Variants in TBC1D25 observed in about 807,000 individuals in gnomAD.
TBC1D25 encodes TBC1 domain family member 25, also known as 5SN3 snoRNA.
In TBC1D25, 13 loss-of-function variants were observed where a neutral mutation model predicts 38.8. The observed-to-expected ratio is 0.34, with a 90% confidence interval of 0.22 to 0.53. The LOEUF is 0.53. TBC1D25 is among the 20% of genes least tolerant of loss of function. The pLI is 0.94. For synonymous variants in TBC1D25, 225 were observed against 255.6 expected, an observed-to-expected ratio of 0.88 and a Z score of 1.14; for missense variants, 372 against 600.0, an observed-to-expected ratio of 0.62 and a Z score of 3.97.
intron 1 of TBC1D25, among the ~76,000 whole-genome samples, chrX:48,540,871 C>A (rs1569481179): frequency 8.9e-6 from 1 of 112,029 alleles, no homozygotes; most frequent in Non-Finnish European, 1.9e-5. Context: ...ATGTTCCAGA[C>A]AGGGGATCAG....
intron 3 of TBC1D25, among the ~76,000 whole-genome samples, chrX:48,548,459 T>A (rs1445038029): frequency 8.9e-6 from 1 of 111,739 alleles, no homozygotes; most frequent in African/African-American, 3.2e-5. Context: ...TTTTCCTTTT[T>A]AAAAAATTTT....
chrX:48,553,811 A>G (rs1472495351), intron 3 of TBC1D25, among the ~76,000 whole-genome samples: 1 of 107,366 alleles, frequency 9.3e-6, no homozygotes, highest in African/African-American at 3.4e-5. Flanking sequence ...GGGTAGAGAC[A>G]GGGTTTTATC....
intron 1 of TBC1D25, among the ~76,000 whole-genome samples, chrX:48,540,938 C>T (rs1469876359): frequency 6.2e-5 from 7 of 112,217 alleles, no homozygotes; most frequent in African/African-American, 2.3e-4. Flanking sequence ...CAGTTTGGTA[C>T]TACTAGAGTG....
chrX:48,550,479 ATTT>A (rs1369539825), intron 3 of TBC1D25, among the ~76,000 whole-genome samples: 2 of 101,191 alleles, frequency 2.0e-5, no homozygotes, highest in Admixed American at 1.1e-4. Context: ...TTGTGGTCAA[ATTT>A]TTTTTTTTTT....
rs201861861 is a variant in TBC1D25, at chrX:48,559,736, G to A, written c.828G>A (p.Ala276=). 392 of 1,209,997 alleles carry A rather than the reference G, an allele frequency of 3.2e-4. No homozygotes were observed. Among genetic ancestry groups the A allele is most frequent in the Non-Finnish European group, 4.1e-4 (369 of 895,186 alleles). ...TCAAGAGCGAGTGGGCCCAGCGAGCGAACCCTGAGGACCTGGAATTCATCC... is the reference window on the plus strand; with the variant it reads ...TCAAGAGCGAGTGGGCCCAGCGAGCAAACCCTGAGGACCTGGAATTCATCC... ...EQLKSEWAQR[A]NPEDLEFIRS... is the part of the protein sequence containing the mutation. Residue 276 remains alanine (A), a synonymous_variant, in exon 6 of 6, where the codon GCG becomes GCA. Transcript: ENST00000376771.
At chrX:48,556,294 C>A (rs1181903637) in intron 3 of TBC1D25, among the ~76,000 whole-genome samples, 1 of 111,344 alleles carries the variant, frequency 9.0e-6, no homozygotes, top group Non-Finnish European at 1.9e-5. Flanking sequence ...ATACTGCCTG[C>A]AAACATATTG....
intron 3 of TBC1D25, among the ~76,000 whole-genome samples, chrX:48,557,048 A>G (rs1223077049): frequency 9.7e-6 from 1 of 102,853 alleles, no homozygotes; most frequent in Admixed American, 1.1e-4. Context: ...CAATATAGTA[A>G]GATCCCATCT....
At position 48,559,011 on chromosome X, in the gene TBC1D25, C is replaced by G; in HGVS notation, c.503C>G (p.Ser168Cys). ...ACTGCCGCCCTGCCCTTTACACAGTCCATCCTCACTCAGGTGTTTTCAGGG... is the reference window on the plus strand; with the variant it reads ...ACTGCCGCCCTGCCCTTTACACAGTGCATCCTCACTCAGGTGTTTTCAGGG... ...LTTAALPFTQ[S>C]ILTQVGRTLS... Residue 168 changes from serine to cysteine, a missense_variant, in exon 4 of 6, where the codon TCC becomes TGC. This residue lies in a region of TBC1D25 where 312 missense variants were observed against 549.3 expected (regional missense o/e 0.57). Transcript: ENST00000376771. 8.3e-7 allele frequency: 1 copy of G among 1,211,571 alleles called. No individual in the cohort carries two copies. Among genetic ancestry groups the G allele is most frequent in the Non-Finnish European group, 1.1e-6 (1 of 895,465 alleles).
intron 2 of TBC1D25, among the ~76,000 whole-genome samples, chrX:48,541,848 C>A (rs2061841163): frequency 1.8e-5 from 2 of 111,242 alleles, no homozygotes; most frequent in Non-Finnish European, 3.8e-5. Context: ...TTTTCACTTT[C>A]AGTACAGTGT....
At chrX:48,546,213 A>AAT (rs1491429899) in intron 3 of TBC1D25, among the ~76,000 whole-genome samples, 1 of 37,339 alleles carries the variant, frequency 2.7e-5, no homozygotes, top group Non-Finnish European at 5.4e-5. Context: ...ACTTCATCTC[A>AAT]AAAAAAAAAA....
At position 48,561,968 on chromosome X, in the gene TBC1D25, A is replaced by G. The variant is rs1556986642; in HGVS notation, c.*993A>G. On this transcript the variant is annotated 3_prime_UTR_variant, in exon 6 of 6. Coordinates refer to ENST00000376771, the MANE Select transcript of TBC1D25 (RefSeq NM_002536.4). ...TCCATCTCACTAATATGGACAAACA[A>G]CAAGCACTGATAAAACGCAGGCCCT... 1.8e-5 allele frequency: 2 copies of G among 112,444 alleles called. No individual in the cohort carries two copies. The highest frequency in any genetic ancestry group is 6.5e-5 in the African/African-American group (2 of 30,981). 9.3% of individuals were successfully genotyped at this position (112,444 alleles called of 1,213,427 possible). A position where few individuals can be genotyped will look rare whatever the true frequency, so the allele number is the denominator to read the frequency against.
chrX:48,543,527 A>C (rs1237533545), intron 2 of TBC1D25, among the ~76,000 whole-genome samples: 1 of 104,015 alleles, frequency 9.6e-6, no homozygotes, highest in African/African-American at 3.5e-5. Flanking sequence ...GAGCCACCGC[A>C]CCTGGCCTGC....
intron 3 of TBC1D25, among the ~76,000 whole-genome samples, chrX:48,558,470 A>T (rs1556984993): frequency 8.9e-6 from 1 of 111,786 alleles, no homozygotes; most frequent in African/African-American, 3.3e-5. Flanking sequence ...GTTTCCTCAA[A>T]GAGAGTCATG....
Position 48,559,353 on chromosome X carries a change from A to G in TBC1D25, c.705+7A>G, listed in dbSNP as rs1310278554. The G allele has an allele frequency of 3.3e-6, 4 of 1,201,897 alleles. No individual in the cohort carries two copies. The highest frequency in any genetic ancestry group is 4.5e-6 in the Non-Finnish European group (4 of 890,345). On this transcript the variant is annotated splice_region_variant and intron_variant, in intron 5 of 5. Coordinates refer to ENST00000376771, the MANE Select transcript of TBC1D25 (RefSeq NM_002536.4). ...GGAGCCCTCGCTGCGAAAGGTGAGC[A>G]TCCTCAGTCATCTGTTGGGTCCATC...
At chrX:48,558,182 ATGTC>A (rs1337762863) in intron 3 of TBC1D25, among the ~76,000 whole-genome samples, 1 of 110,929 alleles carries the variant, frequency 9.0e-6, no homozygotes, top group Non-Finnish European at 1.9e-5. Flanking sequence ...TTTCTAAAGT[ATGTC>A]TGGGCTCTGG....
In TBC1D25 at chrX:48,539,770, C is replaced by T; in HGVS notation, c.-28C>T. The T allele has an allele frequency of 1.0e-6, 1 of 953,669 alleles. No homozygotes were observed. The highest frequency in any genetic ancestry group is 1.3e-6 in the Non-Finnish European group (1 of 762,693). 78.6% of individuals were successfully genotyped at this position (953,669 alleles called of 1,213,427 possible). A position where few individuals can be genotyped will look rare whatever the true frequency, so the allele number is the denominator to read the frequency against. Reference sequence around the variant, plus strand: ...CGCCGGGGTGGGGGGCAACGGTCAGCCGTCACCCTGAGACGGGCGGCGGCG... The same window carrying T: ...CGCCGGGGTGGGGGGCAACGGTCAGTCGTCACCCTGAGACGGGCGGCGGCG... On this transcript the variant is annotated 5_prime_UTR_variant, in exon 1 of 6. Coordinates refer to ENST00000376771, the MANE Select transcript of TBC1D25 (RefSeq NM_002536.4).
chrX:48,542,902 T>C (rs2061852361), intron 2 of TBC1D25, among the ~76,000 whole-genome samples: 1 of 111,551 alleles, frequency 9.0e-6, no homozygotes, highest in South Asian at 3.7e-4. Flanking sequence ...CCCAGCCAAA[T>C]GCATTGTCAA....
In TBC1D25 at chrX:48,558,990, C is replaced by T. The variant is rs2061998740; in HGVS notation, c.482C>T (p.Ala161Val). The change falls in exon 4 of 6, where the codon GCC becomes GTC. Residue 161 changes from alanine to valine, a missense_variant. Around this residue, in one of 2 missense-constraint regions of TBC1D25, gnomAD observed 312 missense variants for 549.3 expected, o/e 0.57. Coordinates refer to ENST00000376771, the MANE Select transcript of TBC1D25 (RefSeq NM_002536.4). Reference protein sequence around the residue: ...LAEKRSSLTTAALPFTQSILT... With the variant: ...LAEKRSSLTTVALPFTQSILT... ...GAGAAACGGTCATCACTGACGACTG[C>T]CGCCCTGCCCTTTACACAGTCCATC... 1 of 1,211,656 alleles carries T rather than the reference C, an allele frequency of 8.3e-7. No homozygotes were observed. The highest frequency in any genetic ancestry group is 1.1e-6 in the Non-Finnish European group (1 of 895,506).
chrX:48,549,931 C>T (rs1203125040), intron 3 of TBC1D25, among the ~76,000 whole-genome samples: 1 of 112,206 alleles, frequency 8.9e-6, no homozygotes, highest in Non-Finnish European at 1.9e-5. Context: ...TTGTGATAAG[C>T]AGACCTAGCT....
Sources: gnomAD v4.1 joint callset for allele counts (sites outside exome capture counted in the v4.1 genomes callset) on GRCh38, gnomAD v4.1.1 for gene constraint, gnomAD v4.1.1 regional missense constraint, MANE v1.5 for transcripts, NCBI Gene and HGNC (gene_info 2026-07-23, HGNC 2026-07-21) for gene names.